Variants in MTMR2 observed in about 807,000 individuals in gnomAD.
MTMR2 encodes the protein myotubularin related protein 2.
MTMR2 carries 55 observed loss-of-function variants against 86.9 expected under a neutral mutation model. The observed-to-expected ratio is 0.63, with a 90% CI of 0.51 to 0.79. The LOEUF is 0.79. MTMR2 is among the 30% of genes least tolerant of loss of function. The pLI is 0.00. For synonymous variants in MTMR2, 241 were observed against 266.8 expected (o/e 0.90, Z 0.94); for missense variants, 659 against 772.3 (o/e 0.85, Z 1.74).
chr11:95,875,537 T>G (rs1865075285), intron 2 of MTMR2, among the ~76,000 whole-genome samples: 1 of 152,176 alleles, frequency 6.6e-6, no homozygotes, highest in African/African-American at 2.4e-5. Flanking sequence ...TTGCCATGGG[T>G]TTGAAGTTCC....
At chr11:95,907,395 C>G (rs1188191103) in intron 1 of MTMR2, among the ~76,000 whole-genome samples, 4 of 151,764 alleles carry the variant, frequency 2.6e-5, no homozygotes, top group African/African-American at 9.7e-5. Flanking sequence ...TAGAAAAAGC[C>G]CAGGACCAGA....
chr11:95,868,912 G>A (rs1176006072), intron 2 of MTMR2, among the ~76,000 whole-genome samples: 1 of 150,770 alleles, frequency 6.6e-6, no homozygotes, highest in East Asian at 1.9e-4. Context: ...TTCTCAGATA[G>A]CCAGGTCTCA....
chr11:95,913,608 T>C (rs1866590676), intron 1 of MTMR2, among the ~76,000 whole-genome samples: 1 of 152,238 alleles, frequency 6.6e-6, no homozygotes, highest in East Asian at 1.9e-4. Context: ...AAAACACTAA[T>C]TGGTTGATCT....
intron 7 of MTMR2, among the ~76,000 whole-genome samples, chr11:95,854,561 G>A (rs1026723853): frequency 6.6e-6 from 1 of 152,080 alleles, no homozygotes; most frequent in Non-Finnish European, 1.5e-5. Flanking sequence ...AACCTCCAGG[G>A]CTCAAGCAAT....
At position 95,847,909 on chromosome 11, in the gene MTMR2, A is replaced by C. The variant is rs567982609; in HGVS notation, c.994-10T>G. ...AACCTCCACCCTTTGCCTGGAAAAA[A>C]GCACACATCATGGAAAATCATAAAT... On this transcript the variant is annotated splice_polypyrimidine_tract_variant and intron_variant, in intron 9 of 14. Coordinates refer to ENST00000346299, the MANE Select transcript of MTMR2 (RefSeq NM_016156.6). 8.1e-6 allele frequency: 13 copies of C among 1,612,700 alleles called. No individual in the cohort carries two copies. The Admixed American group carries it at 2.2e-4, about 27-fold the overall frequency.
At chr11:95,842,683 T>C (rs954768297) in intron 11 of MTMR2, among the ~76,000 whole-genome samples, 4 of 152,212 alleles carry the variant, frequency 2.6e-5, no homozygotes, top group Admixed American at 6.5e-5. Flanking sequence ...TAAGACATTA[T>C]TTACCTTTTT....
intron 1 of MTMR2, 121 bp downstream of exon 1, chr11:95,923,754 A>T: frequency 6.7e-7 from 1 of 1,481,692 alleles, no homozygotes; most frequent in Non-Finnish European, 9.0e-7. Context: ...AGTCCCGGGG[A>T]AGGAATTCCG....
At chr11:95,901,470 G>A (rs563847327) in intron 1 of MTMR2, among the ~76,000 whole-genome samples, 6 of 152,206 alleles carry the variant, frequency 3.9e-5, no homozygotes, top group African/African-American at 1.4e-4. Flanking sequence ...AAAATGTAAG[G>A]GATTTCTGAG....
At chr11:95,837,588 C>T (rs1019711288) in intron 13 of MTMR2, among the ~76,000 whole-genome samples, 3 of 151,866 alleles carry the variant, frequency 2.0e-5, no homozygotes, top group African/African-American at 4.8e-5. Context: ...AAAGGGATAA[C>T]GAAAAACTTT....
At chr11:95,881,098 C>T (rs921903827) in intron 2 of MTMR2, among the ~76,000 whole-genome samples, 2 of 151,434 alleles carry the variant, frequency 1.3e-5, no homozygotes, top group Non-Finnish European at 3.0e-5. Flanking sequence ...CTAATGAATC[C>T]AGTTGGTGTG....
Position 95,857,580 on chromosome 11 carries a change from T to C in MTMR2, c.626A>G (p.Tyr209Cys), listed in dbSNP as rs967619161. 2.5e-6 allele frequency: 4 copies of C among 1,612,310 alleles called. No homozygotes were observed. The highest frequency in any genetic ancestry group is 1.7e-5 in the Admixed American group (1 of 59,980). The stretch of plus-strand genomic sequence containing the variant: ...CCTTCTATACTCTAAAAGAGGGTCA[T>C]ATAGCTTCCACCCATTTTCAGGGAA... ...EVFPENGWKL[Y>C]DPLLEYRRQG... The change falls in exon 7 of 15, where the codon TAT becomes TGT. Residue 209 changes from tyrosine to cysteine, a missense_variant. By Grantham distance (194) the Tyr-to-Cys change is radical. This residue lies in a region of MTMR2 where 387 missense variants were observed against 526.3 expected (regional missense o/e 0.74). Transcript: ENST00000346299.
intron 2 of MTMR2, among the ~76,000 whole-genome samples, chr11:95,885,341 T>C (rs1372982083): frequency 6.6e-6 from 1 of 152,100 alleles, no homozygotes; most frequent in Non-Finnish European, 1.5e-5. Context: ...TAAACACACC[T>C]AGTGGCTAGC....
At chr11:95,892,886 T>C (rs1865760319) in intron 1 of MTMR2, among the ~76,000 whole-genome samples, 3 of 152,152 alleles carry the variant, frequency 2.0e-5, no homozygotes, top group Admixed American at 2.0e-4. Context: ...AGGAATCCAC[T>C]TCCCTGCAGA....
intron 1 of MTMR2, among the ~76,000 whole-genome samples, chr11:95,898,998 T>G (rs1390640452): frequency 6.6e-6 from 1 of 152,176 alleles, no homozygotes; most frequent in East Asian, 1.9e-4. Flanking sequence ...AAGGCAGGTT[T>G]GGATTACAGA....
At chr11:95,861,032 C>T (rs765709091) in intron 5 of MTMR2, among the ~76,000 whole-genome samples, 9 of 151,418 alleles carry the variant, frequency 5.9e-5, no homozygotes, top group Non-Finnish European at 1.0e-4. Flanking sequence ...TGGTGGTGGG[C>T]GCCTGTAGTC....
chr11:95,905,166 C>T (rs1286193132), intron 1 of MTMR2, among the ~76,000 whole-genome samples: 1 of 152,100 alleles, frequency 6.6e-6, no homozygotes, highest in East Asian at 1.9e-4. Context: ...CATCTCACCT[C>T]CTTAACCTCA....
chr11:95,922,609 T>C (rs1309657480), intron 1 of MTMR2, among the ~76,000 whole-genome samples: 1 of 151,778 alleles, frequency 6.6e-6, no homozygotes, highest in Admixed American at 6.6e-5. Flanking sequence ...TGAGACTATG[T>C]TAAGTGCTGG....
chr11:95,880,827 T>G (rs973369928), intron 2 of MTMR2, among the ~76,000 whole-genome samples: 1 of 152,128 alleles, frequency 6.6e-6, no homozygotes, highest in Non-Finnish European at 1.5e-5. Context: ...ATTTGGGTAC[T>G]AATCTTTTAT....
chr11:95,832,986 G>A lies in MTMR2; in HGVS notation c.*2304C>T, dbSNP rs1249752360. 1 of 152,126 alleles carries A rather than the reference G, an allele frequency of 6.6e-6. No individual in the cohort carries two copies. Among genetic ancestry groups the A allele is most frequent in the Non-Finnish European group, 1.5e-5 (1 of 68,006 alleles). The allele number at this position is 152,126 out of a possible 1,614,324, so 9.4% of individuals were successfully genotyped here. On this transcript the variant is annotated 3_prime_UTR_variant, in exon 15 of 15. Coordinates refer to ENST00000346299, the MANE Select transcript of MTMR2 (RefSeq NM_016156.6). ...ATTCCAATATAATGTGAATTGCAGTGGTAGTAGCGGTATACACAGTGCTAT... is the reference window on the plus strand; with the variant it reads ...ATTCCAATATAATGTGAATTGCAGTAGTAGTAGCGGTATACACAGTGCTAT...
Sources: gnomAD v4.1 joint callset for allele counts (sites outside exome capture counted in the v4.1 genomes callset) on GRCh38, gnomAD v4.1.1 for gene constraint, gnomAD v4.1.1 regional missense constraint, MANE v1.5 for transcripts, NCBI Gene and HGNC (gene_info 2026-07-23, HGNC 2026-07-21) for gene names.